LPAR1: variants seen among roughly 807,000 people sequenced by gnomAD.
The protein encoded by LPAR1 is lysophosphatidic acid receptor 1.
In LPAR1, 5 loss-of-function variants were observed where a neutral mutation model predicts 23.8. The observed-to-expected ratio is 0.21, with a 90% CI of 0.11 to 0.44. The LOEUF is 0.44. Ranked by LOEUF, LPAR1 falls within the 20% of genes least tolerant of loss-of-function variation. The pLI is 0.99. For synonymous variants in LPAR1, 160 were observed against 164.7 expected (o/e 0.97, Z 0.22); for missense variants, 311 against 482.8 (o/e 0.64, Z 3.33).
intron 5 of LPAR1, among the ~76,000 whole-genome samples, chr9:110,912,064 C>T (rs2092514375): frequency 6.6e-6 from 1 of 152,156 alleles, no homozygotes; most frequent in African/African-American, 2.4e-5. Context: ...GAAGAATAAA[C>T]GTCTGGGTTA....
chr9:111,038,760 C>G (rs1352575817), upstream of LPAR1: 2 of 399,454 alleles, frequency 5.0e-6, no homozygotes, highest in East Asian at 9.2e-5. This position sits in a 1 kb window ranked among gnomAD's most constrained non-coding sequence, Gnocchi z 4.4. Flanking sequence ...CCTTAGCCTC[C>G]CATTCATTAT....
rs569378580 is a variant in LPAR1, at chr9:110,876,490, T to C, written c.794-768A>G. 2.2e-4 allele frequency among the ~76,000 whole-genome samples: 33 copies of C among 152,332 alleles called. No homozygotes were observed. In the South Asian group the frequency reaches 6.8e-3, roughly 32 times the overall value. On this transcript the variant is annotated intron_variant, in intron 5 of 5. Transcript: ENST00000683809. ...GAATTTTCACAGTAGCCATATGACA[T>C]AGAAACTAATATCCCCATTGTACAG...
chr9:110,908,615 T>C (rs1385245829), intron 5 of LPAR1, among the ~76,000 whole-genome samples: 1 of 152,192 alleles, frequency 6.6e-6, no homozygotes, highest in Admixed American at 6.5e-5. Context: ...CTAAGCACTG[T>C]GAGGAAGTAC....
intron 2 of LPAR1, among the ~76,000 whole-genome samples, chr9:110,975,353 GA>G (rs2096533554): frequency 1.3e-5 from 2 of 152,188 alleles, no homozygotes; most frequent in South Asian, 4.1e-4. Context: ...GGGATTTCAT[GA>G]AAGGCCACTG....
intron 5 of LPAR1, among the ~76,000 whole-genome samples, chr9:110,936,895 C>T (rs923314221): frequency 6.6e-6 from 1 of 152,184 alleles, no homozygotes; most frequent in Non-Finnish European, 1.5e-5. Flanking sequence ...TAATTCAAGA[C>T]ATGCCATGGT....
chr9:110,995,415 A>G (rs2096978823), intron 2 of LPAR1, among the ~76,000 whole-genome samples: 2 of 152,112 alleles, frequency 1.3e-5, no homozygotes, highest in Admixed American at 6.6e-5. Context: ...TACAATCCTA[A>G]TATCTACTTC....
intron 5 of LPAR1, among the ~76,000 whole-genome samples, chr9:110,879,596 C>T (rs930725019): frequency 1.3e-5 from 2 of 152,124 alleles, no homozygotes; most frequent in African/African-American, 4.8e-5. Context: ...CAATAGTCTG[C>T]AGAGCTTCTT....
intron 5 of LPAR1, among the ~76,000 whole-genome samples, chr9:110,919,907 T>C (rs889962901): frequency 2.0e-5 from 3 of 152,186 alleles, no homozygotes; most frequent in African/African-American, 7.2e-5. Context: ...CACACATCAA[T>C]GCCTTCAACC....
chr9:110,997,693 C>T (rs894956021), intron 2 of LPAR1, among the ~76,000 whole-genome samples: 1 of 152,128 alleles, frequency 6.6e-6, no homozygotes, highest in Non-Finnish European at 1.5e-5. Context: ...GATTACATGC[C>T]ATTATCTTAA....
intron 2 of LPAR1, among the ~76,000 whole-genome samples, chr9:110,996,165 T>C (rs2096998440): frequency 6.6e-6 from 1 of 152,062 alleles, no homozygotes; most frequent in Non-Finnish European, 1.5e-5. Flanking sequence ...AGTCCAAATA[T>C]GTAGAGAATG....
chr9:110,939,159 G>C (rs1040476860), intron 5 of LPAR1, among the ~76,000 whole-genome samples: 1 of 152,088 alleles, frequency 6.6e-6, no homozygotes, highest in African/African-American at 2.4e-5. Context: ...ATCTAAGGAT[G>C]GACACTTACA....
rs150061173 is a variant in LPAR1, at chr9:110,986,228, G to T, written c.-181-12670C>A. ...CCACTTACAGGAGAAGCACCCTATA[G>T]GGTGGATACATTTCTACTGAGGGCG... On this transcript the variant is annotated intron_variant, in intron 2 of 5. Coordinates refer to ENST00000683809, the MANE Select transcript of LPAR1 (RefSeq NM_001351411.2). Among the ~76,000 whole-genome samples the T allele has an allele frequency of 5.6e-3, 850 of 152,200 alleles. 10 individuals are homozygous for T. Among genetic ancestry groups the T allele is most frequent in the African/African-American group, 0.019 (801 of 41,542 alleles).
chr9:110,886,195 T>C (rs1316097637), intron 5 of LPAR1, among the ~76,000 whole-genome samples: 1 of 85,052 alleles, frequency 1.2e-5, no homozygotes, highest in African/African-American at 5.0e-5. Context: ...CAAAAATCCA[T>C]CTCAAAAAAA....
intron 5 of LPAR1, among the ~76,000 whole-genome samples, chr9:110,925,923 TG>T (rs2093989397): frequency 6.6e-6 from 1 of 152,150 alleles, no homozygotes; most frequent in South Asian, 2.1e-4. Context: ...GGTTTTTTTT[TG>T]TTTTTTGTTT....
rs185614679 is a variant in LPAR1, at chr9:110,892,464, G to A, written c.794-16742C>T. Among the ~76,000 whole-genome samples the A allele has an allele frequency of 8.6e-4, 131 of 152,222 alleles. 1 individual carries two copies. Among genetic ancestry groups the A allele is most frequent in the African/African-American group, 3.0e-3 (126 of 41,546 alleles). On this transcript the variant is annotated intron_variant, in intron 5 of 5. Coordinates refer to ENST00000683809, the MANE Select transcript of LPAR1 (RefSeq NM_001351411.2). ...GTGGATCACGAGGTCAGGAGTTTGA[G>A]ACCAGCCTGACCAACATGGTGAAAC...
At chr9:110,930,471 T>C (rs2094334965) in intron 5 of LPAR1, among the ~76,000 whole-genome samples, 1 of 151,724 alleles carries the variant, frequency 6.6e-6, no homozygotes, top group Non-Finnish European at 1.5e-5. Flanking sequence ...GATTGCGCCA[T>C]TGCACTCCAG....
intron 4 of LPAR1, 29 bp from the exon 5 acceptor site, chr9:110,942,197 A>G (rs199936061): frequency 1.3e-6 from 2 of 1,570,040 alleles, no homozygotes; most frequent in Non-Finnish European, 1.7e-6. Context: ...AAGATGATGA[A>G]AAAGAAGGCA....
intron 4 of LPAR1, among the ~76,000 whole-genome samples, chr9:110,943,517 T>C (rs2095252192): frequency 6.6e-6 from 1 of 152,178 alleles, no homozygotes; most frequent in African/African-American, 2.4e-5. Context: ...TCAAATATTA[T>C]ACTTAATACA....
intron 2 of LPAR1, among the ~76,000 whole-genome samples, chr9:110,997,105 T>A (rs1290602581): frequency 6.6e-6 from 1 of 152,210 alleles, no homozygotes; most frequent in Non-Finnish European, 1.5e-5. Context: ...TCTTTCACAG[T>A]GAGGCTACCA....
Sources: allele counts gnomAD v4.1 joint callset (sites outside exome capture counted in the v4.1 genomes callset), GRCh38; gene constraint gnomAD v4.1.1; non-coding constraint Gnocchi (gnomAD v3.1); transcripts MANE v1.5; gene names NCBI Gene and HGNC (gene_info 2026-07-23, HGNC 2026-07-21).